The following COL25A1 variants were observed in gnomAD, a reference collection of about 807,000 sequenced individuals.
The protein encoded by COL25A1 is collagen type XXV alpha 1 chain.
Under a neutral mutation model 128.4 loss-of-function variants are expected in COL25A1, and 103 were observed. That is an observed-to-expected ratio of 0.80 (90% confidence interval 0.68 to 0.94). The LOEUF is 0.94. COL25A1 is among the 40% of genes least tolerant of loss of function. COL25A1 has a pLI of 0.00. For missense variants in COL25A1, 745 were observed against 840.0 expected (o/e 0.89, Z 1.40); for synonymous variants, 279 against 277.2 (o/e 1.01, Z -0.06).
chr4:109,268,817 C>T (rs1781971127), intron 3 of COL25A1, among the ~76,000 whole-genome samples: 1 of 152,170 alleles, frequency 6.6e-6, no homozygotes, highest in Non-Finnish European at 1.5e-5. Context: ...AGACCAAAGG[C>T]TCCCTCATTC....
At chr4:109,031,720 A>G (rs1005650050) in intron 5 of COL25A1, among the ~76,000 whole-genome samples, 1 of 152,140 alleles carries the variant, frequency 6.6e-6, no homozygotes, top group African/African-American at 2.4e-5. Flanking sequence ...CCTTAGCTCC[A>G]GCCTGTGTAG....
intron 3 of COL25A1, among the ~76,000 whole-genome samples, chr4:109,272,518 C>T (rs147272909): frequency 2.0e-5 from 3 of 152,186 alleles, no homozygotes; most frequent in African/African-American, 4.8e-5. Flanking sequence ...AAATAATCTC[C>T]TTTGTAATAT....
intron 3 of COL25A1, among the ~76,000 whole-genome samples, chr4:109,192,279 C>A (rs1376747992): frequency 6.6e-6 from 1 of 151,950 alleles, no homozygotes; most frequent in Non-Finnish European, 1.5e-5. Context: ...GAGATTAATC[C>A]AGTAATTGTG....
chr4:109,007,604 TA>T (rs1756155878), intron 6 of COL25A1, among the ~76,000 whole-genome samples: 1 of 152,152 alleles, frequency 6.6e-6, no homozygotes, highest in African/African-American at 2.4e-5. Flanking sequence ...CATTTTAAAC[TA>T]AATGATCATG....
At chr4:108,933,099 C>T (rs969603721) in intron 11 of COL25A1, among the ~76,000 whole-genome samples, 2 of 152,198 alleles carry the variant, frequency 1.3e-5, no homozygotes, top group Non-Finnish European at 2.9e-5. Flanking sequence ...ATCATAGATG[C>T]TGTTAATCGT....
chr4:109,113,744 A>C (rs1046289534), intron 3 of COL25A1, among the ~76,000 whole-genome samples: 1 of 152,150 alleles, frequency 6.6e-6, no homozygotes, highest in South Asian at 2.1e-4. Context: ...TGAGCACTAC[A>C]TATTTTCGTA....
At chr4:109,145,946 A>C (rs1770901820) in intron 3 of COL25A1, among the ~76,000 whole-genome samples, 1 of 152,218 alleles carries the variant, frequency 6.6e-6, no homozygotes, top group African/African-American at 2.4e-5. Flanking sequence ...TCTCCATGCT[A>C]CAGTAATATT....
intron 3 of COL25A1, among the ~76,000 whole-genome samples, chr4:109,178,029 T>C (rs909348571): frequency 4.6e-5 from 7 of 152,156 alleles, no homozygotes; most frequent in African/African-American, 1.7e-4. Context: ...TTATAATAGG[T>C]TTAAGTACAA....
In COL25A1 at chr4:108,884,205, AGGAAGCCCT is replaced by A. The variant is rs747903007; in HGVS notation, c.984_992del (p.Leu336_Gly338del). On this transcript the variant is annotated inframe_deletion, in exon 19 of 38. Transcript: ENST00000399132. ...TTATCCCCGGAAGTCCAGGAAGCCC[AGGAAGCCCT>A]GGTTCACCCTACACAGGAAAATCAT... is the stretch of plus-strand genomic sequence containing the variant. 75 of 1,613,658 alleles carry A rather than the reference AGGAAGCCCT, an allele frequency of 4.6e-5. No individual in the cohort carries two copies. In the Admixed American group the frequency reaches 1.3e-3, roughly 27 times the overall value.
chr4:109,218,347 G>GT (rs1778154610), intron 3 of COL25A1, among the ~76,000 whole-genome samples: 6 of 76,374 alleles, frequency 7.9e-5, no homozygotes, highest in African/African-American at 2.4e-4. Flanking sequence ...TCAATTGCTG[G>GT]TTTTTTGGGG....
intron 31 of COL25A1, among the ~76,000 whole-genome samples, chr4:108,839,193 GC>G (rs1734142045): frequency 6.6e-6 from 1 of 152,038 alleles, no homozygotes; most frequent in Admixed American, 6.6e-5. Flanking sequence ...AGAGTTCAGG[GC>G]CCCACCCAGT....
chr4:109,240,192 T>A (rs1779799978), intron 3 of COL25A1, among the ~76,000 whole-genome samples: 1 of 147,022 alleles, frequency 6.8e-6, no homozygotes, highest in African/African-American at 2.7e-5. Context: ...AGTAACATAG[T>A]TGTTTATTAT....
intron 6 of COL25A1, among the ~76,000 whole-genome samples, chr4:108,986,667 G>A (rs1461010236): frequency 1.3e-5 from 2 of 152,262 alleles, no homozygotes; most frequent in Non-Finnish European, 1.5e-5. Flanking sequence ...AGACTGAAGA[G>A]TTTTAATAAT....
At chr4:109,081,578 A>G (rs1763836664) in intron 3 of COL25A1, among the ~76,000 whole-genome samples, 1 of 152,172 alleles carries the variant, frequency 6.6e-6, no homozygotes, top group South Asian at 2.1e-4. Flanking sequence ...TGCAACCATC[A>G]CCACAGTAAA....
At chr4:108,929,801 A>G (rs1347780611) in intron 11 of COL25A1, among the ~76,000 whole-genome samples, 1 of 152,150 alleles carries the variant, frequency 6.6e-6, no homozygotes, top group Non-Finnish European at 1.5e-5. Context: ...ACTGCAGGCC[A>G]GGTGACAGAG....
chr4:108,899,209 A>G lies in COL25A1; in HGVS notation c.835-29T>C, dbSNP rs570599251. The G allele has an allele frequency of 2.5e-6, 4 of 1,597,574 alleles. No homozygotes were observed. In the Admixed American group the frequency reaches 5.1e-5, roughly 20 times the overall value. On this transcript the variant is annotated intron_variant, in intron 14 of 37. Transcript: ENST00000399132. The stretch of plus-strand genomic sequence containing the variant: ...AGCAAAAAGACAGAGATTGGGTGAC[A>G]TCAAATCATAAAACACCTAATTTTA...
At position 108,824,180 on chromosome 4, in the gene COL25A1, T is replaced by G. The variant is rs7689008; in HGVS notation, c.1839A>C (p.Gly613=). ...GCTGGGATGGAGAGGTCACCTTTTC[T>G]CCCTTTTCTCCTAGATCACCCTTCT... is the stretch of plus-strand genomic sequence containing the variant. ...RGEKGDLGEK[G]EKGFRGVKGE... is the part of the protein sequence containing the mutation. Residue 613 remains glycine, a synonymous_variant, in exon 35 of 38, where the codon GGA becomes GGC. Transcript: ENST00000399132. 556,997 of 1,613,068 alleles carry G rather than the reference T, an allele frequency of 0.35. 97,567 individuals carry two copies. The highest frequency in any genetic ancestry group is 0.43 in the East Asian group (19,200 of 44,822).
At chr4:109,150,887 TTTC>T (rs1326885186) in intron 3 of COL25A1, among the ~76,000 whole-genome samples, 3 of 152,284 alleles carry the variant, frequency 2.0e-5, no homozygotes, top group East Asian at 3.9e-4. Context: ...TCTCAATTCA[TTTC>T]TTAACTTAGT....
At chr4:109,079,698 C>T (rs1035814014) in intron 3 of COL25A1, among the ~76,000 whole-genome samples, 4 of 151,962 alleles carry the variant, frequency 2.6e-5, no homozygotes, top group Non-Finnish European at 5.9e-5. Context: ...AAAAATCTAT[C>T]CATTTAGAGT....
Sources: allele counts gnomAD v4.1 joint callset (sites outside exome capture counted in the v4.1 genomes callset), GRCh38; gene constraint gnomAD v4.1.1; transcripts MANE v1.5; gene names NCBI Gene and HGNC (gene_info 2026-07-23, HGNC 2026-07-21).